MBP: variants seen among roughly 807,000 people sequenced by gnomAD.
MBP encodes Golli-MBP.
MBP carries 16 observed loss-of-function variants against 35.8 expected under a neutral mutation model. The ratio of observed to expected loss-of-function variants is 0.45; its 90% CI spans 0.30 to 0.68. The LOEUF is 0.68. Among genes scored for constraint, MBP ranks in the 30% least tolerant of loss-of-function variants. The pLI, the probability that MBP is intolerant of heterozygous loss-of-function variation, is 0.08. For missense variants in MBP, 380 were observed against 404.7 expected, an observed-to-expected ratio of 0.94 and a Z score of 0.52; for synonymous variants, 143 against 159.6, an observed-to-expected ratio of 0.90 and a Z score of 0.78.
intron 4 of MBP, among the ~76,000 whole-genome samples, chr18:76,999,825 T>TA (rs1388197829): frequency 6.6e-6 from 1 of 152,154 alleles, no homozygotes; most frequent in Non-Finnish European, 1.5e-5. Flanking sequence ...CACTAAGGTT[T>TA]AAAAAAAGCC....
At chr18:76,985,846 T>C in intron 7 of MBP, 2 of 988,738 alleles carry the variant, frequency 2.0e-6, no homozygotes, top group Non-Finnish European at 2.4e-6. Context: ...TGGGCTTTGG[T>C]GCCAGCTGTC....
intron 2 of MBP, among the ~76,000 whole-genome samples, chr18:77,075,528 G>T (rs538811940): frequency 6.6e-6 from 1 of 152,330 alleles, no homozygotes; most frequent in South Asian, 2.1e-4. Context: ...CCCAGGGTGG[G>T]GGAGAGGATG....
At chr18:77,129,242 TCA>T (rs759729816) in intron 1 of MBP, among the ~76,000 whole-genome samples, 3 of 152,248 alleles carry the variant, frequency 2.0e-5, no homozygotes, top group South Asian at 2.1e-4. Flanking sequence ...GCAGTGCTAT[TCA>T]CAGAGTCCAG....
chr18:76,997,743 C>T (rs544258750), intron 4 of MBP, among the ~76,000 whole-genome samples: 299 of 150,554 alleles, frequency 2.0e-3, no homozygotes, highest in Non-Finnish European at 3.6e-3. Flanking sequence ...AGTGCAGTGG[C>T]GCGACCTCGG....
intron 2 of MBP, among the ~76,000 whole-genome samples, chr18:77,100,726 A>AT (rs1045981328): frequency 6.6e-6 from 1 of 151,402 alleles, no homozygotes; most frequent in African/African-American, 2.4e-5. Flanking sequence ...TAATTTTTTG[A>AT]TTTTTTTGTA....
intron 3 of MBP, among the ~76,000 whole-genome samples, chr18:77,029,196 G>T (rs1473726837): frequency 7.1e-6 from 1 of 139,870 alleles, no homozygotes; most frequent in African/African-American, 2.5e-5. Flanking sequence ...ATCACTCGCG[G>T]TTAGGAGCTG....
At chr18:77,073,398 G>A (rs914126716) in intron 2 of MBP, among the ~76,000 whole-genome samples, 2 of 152,198 alleles carry the variant, frequency 1.3e-5, no homozygotes, top group Non-Finnish European at 2.9e-5. Flanking sequence ...GAGACAAAGG[G>A]TGGGTTATTA....
intron 2 of MBP, among the ~76,000 whole-genome samples, chr18:77,089,259 G>C (rs1302785910): frequency 6.6e-6 from 1 of 152,346 alleles, no homozygotes; most frequent in Non-Finnish European, 1.5e-5. Flanking sequence ...CTCGGGCTGT[G>C]AGTGACTCAC....
At chr18:77,077,319 T>TGA (rs1358399109) in intron 2 of MBP, among the ~76,000 whole-genome samples, 1 of 133,304 alleles carries the variant, frequency 7.5e-6, no homozygotes, top group Non-Finnish European at 1.5e-5. Flanking sequence ...CACTGCAGGC[T>TGA]GCACTCCAGC....
intron 4 of MBP, among the ~76,000 whole-genome samples, chr18:76,999,035 TG>T (rs974669440): frequency 7.0e-6 from 1 of 143,656 alleles, no homozygotes; most frequent in Non-Finnish European, 1.5e-5. Flanking sequence ...AGCAGTGTTT[TG>T]GGGGGTTTTT....
chr18:77,087,969 G>T (rs971226451), intron 2 of MBP, among the ~76,000 whole-genome samples: 3 of 152,086 alleles, frequency 2.0e-5, no homozygotes, highest in Admixed American at 6.5e-5. Flanking sequence ...GCCTGGAGGG[G>T]AGCGGGAGGA....
chr18:77,066,385 T>C lies in MBP; in HGVS notation c.52A>G (p.Asn18Asp), dbSNP rs1167148076. 1 of 1,601,496 alleles carries C rather than the reference T, an allele frequency of 6.2e-7. No individual in the cohort carries two copies. Among genetic ancestry groups the C allele is most frequent in the East Asian group, 2.2e-5 (1 of 44,824 alleles). ...RELNAEKAST[N>D]SETNRGESEK... ...GATTCTCCTCTGTTAGTTTCACTATTCTGGAAAAAGAAAACACAACAAACC... is the reference window on the plus strand; with the variant it reads ...GATTCTCCTCTGTTAGTTTCACTATCCTGGAAAAAGAAAACACAACAAACC... The change falls in exon 3 of 9, where the codon AAT becomes GAT. Residue 18 changes from asparagine (N) to aspartate (D), a missense_variant and splice_region_variant. Physicochemically the swap from Asn to Asp is conservative, Grantham distance 23. Coordinates refer to ENST00000355994, the MANE Select transcript of MBP (RefSeq NM_001025101.2).
chr18:76,986,967 G>A, intron 7 of MBP: 4 of 985,470 alleles, frequency 4.1e-6, no homozygotes, highest in Non-Finnish European at 4.8e-6. Flanking sequence ...TCCAGACAAG[G>A]AGAGAGTCCT....
intron 3 of MBP, among the ~76,000 whole-genome samples, chr18:77,033,817 C>G (rs1568304494): frequency 6.6e-6 from 1 of 151,216 alleles, no homozygotes; most frequent in East Asian, 1.9e-4. Context: ...CATCCACACA[C>G]CCACCCACAT....
At chr18:77,133,141 C>G (rs1305862078), upstream of MBP, among the ~76,000 whole-genome samples, 1 of 152,194 alleles carries the variant, frequency 6.6e-6, no homozygotes, top group Admixed American at 6.5e-5. Flanking sequence ...GGCCGCATCT[C>G]CCCGCGTCCT....
intron 2 of MBP, among the ~76,000 whole-genome samples, chr18:77,103,965 A>G (rs1976152532): frequency 6.6e-6 from 1 of 152,266 alleles, no homozygotes; most frequent in South Asian, 2.1e-4. Context: ...AATTCTTACT[A>G]GCCGGAAGGA....
At chr18:77,081,858 T>TA (rs1568330084) in intron 2 of MBP, among the ~76,000 whole-genome samples, 32 of 16,694 alleles carry the variant, frequency 1.9e-3, no homozygotes, top group African/African-American at 1.3e-3. Context: ...ATATATATAT[T>TA]TTTTTTTTTT....
chr18:77,063,695 C>T (rs1974077260), intron 3 of MBP, among the ~76,000 whole-genome samples: 1 of 152,128 alleles, frequency 6.6e-6, no homozygotes, highest in African/African-American at 2.4e-5. Context: ...AAATATTCTG[C>T]ATTTCCATCA....
chr18:77,111,130 A>G (rs959377278), intron 1 of MBP, among the ~76,000 whole-genome samples: 1 of 152,108 alleles, frequency 6.6e-6, no homozygotes, highest in African/African-American at 2.4e-5. Flanking sequence ...CCTGGGAGGA[A>G]AAGCTCCATA....
Sources: allele counts gnomAD v4.1 joint callset (sites outside exome capture counted in the v4.1 genomes callset), GRCh38; gene constraint gnomAD v4.1.1; transcripts MANE v1.5; gene names NCBI Gene and HGNC (gene_info 2026-07-23, HGNC 2026-07-21).